Variants in ENDOV observed in about 807,000 individuals in gnomAD.
ENDOV encodes endonuclease V.
In ENDOV, 37 loss-of-function variants were observed where a neutral mutation model predicts 39.4. That is an observed-to-expected ratio of 0.94 (90% CI 0.72 to 1.23). The LOEUF is 1.23. Ranked by LOEUF, ENDOV falls within the 50% of genes most tolerant of loss-of-function variation. The probability of loss-of-function intolerance (pLI) is 0.00; values close to 1 mark genes in which losing one functional copy is unlikely to be tolerated. For synonymous variants in ENDOV, 186 were observed against 163.4 expected, an observed-to-expected ratio of 1.14 and a Z score of -1.05; for missense variants, 441 against 375.7, an observed-to-expected ratio of 1.17 and a Z score of -1.44.
chr17:80,422,140 G>A (rs773477268), intron 3 of ENDOV, 66 bp from the exon 4 acceptor site: 3 of 1,603,276 alleles, frequency 1.9e-6, no homozygotes, highest in Non-Finnish European at 8.5e-7. Flanking sequence ...CTTGCCTCAG[G>A]GATGGCCCTG....
chr17:80,430,035 C>T, intron 9 of ENDOV: 1 of 1,535,880 alleles, frequency 6.5e-7, no homozygotes, highest in Non-Finnish European at 8.7e-7. Context: ...CTCATCTCAG[C>T]CGCAGGTGGA....
intron 9 of ENDOV, among the ~76,000 whole-genome samples, chr17:80,431,220 G>A (rs1248006783): frequency 6.6e-6 from 1 of 152,182 alleles, no homozygotes. Flanking sequence ...TTCCTGAGGA[G>A]CAGGGCGAGC....
chr17:80,427,865 C>T (rs1385406246), intron 7 of ENDOV: 1 of 1,257,854 alleles, frequency 8.0e-7, no homozygotes, highest in East Asian at 5.7e-5. Flanking sequence ...GAGGTGCTGG[C>T]CCCGCCTACC....
In ENDOV at chr17:80,431,894, C is replaced by G. The variant is rs138546203; in HGVS notation, c.838+2063C>G. 2.0e-5 allele frequency among the ~76,000 whole-genome samples: 3 copies of G among 152,266 alleles called. No individual in the cohort carries two copies. In the East Asian group the frequency reaches 5.8e-4, roughly 29 times the overall value. On this transcript the variant is annotated intron_variant, in intron 9 of 9. Transcript: ENST00000518137. ...CTCAGGCCAGTGTGGGGAGAGTGTC[C>G]CCAGAGAGTCCTTGGGGTGGGAGAG... is the stretch of plus-strand genomic sequence containing the variant.
chr17:80,428,512 T>C, intron 7 of ENDOV, 84 bp from the exon 8 acceptor site: 1 of 1,348,682 alleles, frequency 7.4e-7, no homozygotes, highest in Non-Finnish European at 1.0e-6. Flanking sequence ...CTGTGGGGGA[T>C]GGAGGCATTG....
chr17:80,433,728 G>A (rs2083457054), intron 9 of ENDOV, among the ~76,000 whole-genome samples: 1 of 152,308 alleles, frequency 6.6e-6, no homozygotes, highest in Non-Finnish European at 1.5e-5. Flanking sequence ...CTCCTCTGGG[G>A]CTGGAGGTCA....
chr17:80,427,124 T>A (rs2082793051), intron 7 of ENDOV, among the ~76,000 whole-genome samples: 1 of 152,262 alleles, frequency 6.6e-6, no homozygotes, highest in African/African-American at 2.4e-5. Context: ...TGGTGGCGTC[T>A]GAGAGCGGGC....
At chr17:80,416,346 A>G (rs1357388669) in intron 2 of ENDOV, 1 of 155,104 alleles carries the variant, frequency 6.4e-6, no homozygotes, top group African/African-American at 2.4e-5. Flanking sequence ...CTTTATCTTC[A>G]AGTCTGATTG....
At chr17:80,421,265 G>A (rs78215493) in intron 2 of ENDOV, among the ~76,000 whole-genome samples, 40 of 39,278 alleles carry the variant, frequency 1.0e-3, no homozygotes, top group South Asian at 2.2e-3. Context: ...ACTAGATCCC[G>A]GGGAATCTTC....
In ENDOV at chr17:80,427,568, G is replaced by A. The variant is rs577477076; in HGVS notation, c.715-1028G>A. ...TGCAGCCACCCCGTACCAGGAGCCC[G>A]CAGCTTCTTACTGTTGGGCGTGAGC... On this transcript the variant is annotated intron_variant, in intron 7 of 9. Coordinates refer to ENST00000518137, the MANE Select transcript of ENDOV (RefSeq NM_173627.5). 4.6e-5 allele frequency: 49 copies of A among 1,066,976 alleles called. No individual in the cohort carries two copies. In the East Asian group the frequency reaches 2.9e-3, roughly 63 times the overall value. 66.1% of individuals were successfully genotyped at this position (1,066,976 alleles called of 1,614,324 possible).
chr17:80,415,234 C>T lies in ENDOV; in HGVS notation c.40C>T (p.Leu14=), dbSNP rs1481079189. ...EAAGGPPEET[L]SLWKREQARL... ...GGCGGGAGGGCCGCCGGAGGAAACGCTGTCACTGTGGAAACGGTAATGCTG... is the reference window on the plus strand; with the variant it reads ...GGCGGGAGGGCCGCCGGAGGAAACGTTGTCACTGTGGAAACGGTAATGCTG... Residue 14 remains leucine (L), a synonymous_variant, in exon 1 of 10, where the codon CTG becomes TTG. Coordinates refer to ENST00000518137, the MANE Select transcript of ENDOV (RefSeq NM_173627.5). 3 of 1,613,468 alleles carry T rather than the reference C, an allele frequency of 1.9e-6. No homozygotes were observed. Among genetic ancestry groups the T allele is most frequent in the Non-Finnish European group, 2.5e-6 (3 of 1,179,736 alleles).
intron 7 of ENDOV, 199 bp from the exon 8 acceptor site, chr17:80,428,397 G>T (rs1052244250): frequency 3.4e-6 from 2 of 595,682 alleles, no homozygotes; most frequent in Non-Finnish European, 5.9e-6. Flanking sequence ...CCATTGCGGG[G>T]CTTTGACCCC....
chr17:80,415,607 T>G, intron 1 of ENDOV, 43 bp from the exon 2 acceptor site: 1 of 1,597,626 alleles, frequency 6.3e-7, no homozygotes, highest in East Asian at 2.3e-5. Flanking sequence ...AGGCAGAGTC[T>G]GAGGTGTGAC....
intron 9 of ENDOV, among the ~76,000 whole-genome samples, chr17:80,435,047 G>A (rs987050618): frequency 6.6e-6 from 1 of 152,182 alleles, no homozygotes; most frequent in African/African-American, 2.4e-5. Flanking sequence ...ATCCTCGTGA[G>A]CAAAGCATCT....
intron 6 of ENDOV, 176 bp from the exon 7 acceptor site, chr17:80,425,316 G>A (rs1309710795): frequency 2.0e-6 from 2 of 1,011,680 alleles, no homozygotes; most frequent in Non-Finnish European, 2.8e-6. Flanking sequence ...CTCCCCCAGG[G>A]ACAAGCAGCA....
Position 80,436,824 on chromosome 17 carries a change from G to T in ENDOV, c.*681G>T, listed in dbSNP as rs886244187. ...CGTTTTTTTTGGAAGAGAGAGATTGGTGTTAATTCTTGCTAGAACCTTTGG... is the reference window on the plus strand; with the variant it reads ...CGTTTTTTTTGGAAGAGAGAGATTGTTGTTAATTCTTGCTAGAACCTTTGG... On this transcript the variant is annotated 3_prime_UTR_variant, in exon 10 of 10. Transcript: ENST00000518137. The T allele has an allele frequency of 5.2e-5, 8 of 154,168 alleles. No homozygotes were observed. The highest frequency in any genetic ancestry group is 1.7e-4 in the African/African-American group (7 of 41,438). The allele number at this position is 154,168 out of a possible 1,614,324, so 9.6% of individuals were successfully genotyped here. A position where few individuals can be genotyped will look rare whatever the true frequency, so the allele number is the denominator to read the frequency against.
Position 80,415,199 on chromosome 17 carries a change from C to A in ENDOV, c.5C>A (p.Ala2Asp). The change falls in exon 1 of 10, where the codon GCC (alanine) becomes GAC (aspartate). Residue 2 changes from alanine (A) to aspartate (D), a missense_variant. Physicochemically the swap from Ala to Asp is moderately radical, Grantham distance 126. Coordinates refer to ENST00000518137, the MANE Select transcript of ENDOV (RefSeq NM_173627.5). M[A>D]LEAAGGPPEE... ...AGGGGTGCCCGGGACGAAGCCATGG[C>A]CCTGGAGGCGGCGGGAGGGCCGCCG... The A allele has an allele frequency of 1.2e-6, 2 of 1,613,296 alleles. No individual in the cohort carries two copies. The highest frequency in any genetic ancestry group is 1.1e-5 in the South Asian group (1 of 91,046).
chr17:80,427,648 GCTCA>G (rs1439492793), intron 7 of ENDOV: 7 of 1,212,098 alleles, frequency 5.8e-6, no homozygotes, highest in Admixed American at 2.7e-5. Context: ...TTCTTCCTGA[GCTCA>G]CTCACCTCTC....
At chr17:80,434,102 C>T (rs1460612716) in intron 9 of ENDOV, among the ~76,000 whole-genome samples, 2 of 152,244 alleles carry the variant, frequency 1.3e-5, no homozygotes, top group Non-Finnish European at 2.9e-5. Context: ...GCAAGGGCTT[C>T]CTGTCTCTGG....
Sources: gnomAD v4.1 joint callset for allele counts (sites outside exome capture counted in the v4.1 genomes callset) on GRCh38, gnomAD v4.1.1 for gene constraint, MANE v1.5 for transcripts, NCBI Gene and HGNC (gene_info 2026-07-23, HGNC 2026-07-21) for gene names.